GRIP1: variants seen among roughly 807,000 people sequenced by gnomAD.
GRIP1 encodes glutamate receptor interacting protein 1.
GRIP1 carries 45 observed loss-of-function variants against 129.9 expected under a neutral mutation model. That is an observed-to-expected ratio of 0.35 (90% CI 0.27 to 0.44). GRIP1 has a LOEUF of 0.44. Ranked by LOEUF, GRIP1 falls within the 20% of genes least tolerant of loss-of-function variation. The pLI is 1.00. For synonymous variants in GRIP1, 530 were observed against 520.8 expected (o/e 1.02, Z -0.24); for missense variants, 1,196 against 1,396.8 (o/e 0.86, Z 2.29).
intron 1 of GRIP1, among the ~76,000 whole-genome samples, chr12:67,063,398 G>C (rs1324855204): frequency 6.6e-6 from 1 of 152,184 alleles, no homozygotes; most frequent in Non-Finnish European, 1.5e-5. Flanking sequence ...CCATAAAGCT[G>C]ATAGCACCCT....
rs1008972215 is a variant in GRIP1, at chr12:66,711,224, T to G, written c.-419-80888A>C. Among the ~76,000 whole-genome samples the G allele has an allele frequency of 2.0e-5, 3 of 151,882 alleles. No individual in the cohort carries two copies. The East Asian group carries it at 5.8e-4, about 29-fold the overall frequency. The stretch of plus-strand genomic sequence containing the variant: ...ACTTAATAACAAAATAATGAGACTA[T>G]GGGATTTTAATAAAGGGTATCCCTA... On this transcript the variant is annotated intron_variant, in intron 1 of 4. Transcript: ENST00000538373.
In GRIP1 at chr12:66,526,356, G is replaced by A. The variant is rs562646164; in HGVS notation, c.502+3475C>T. Among the ~76,000 whole-genome samples, 10 of 152,256 alleles carry A rather than the reference G, an allele frequency of 6.6e-5. No individual in the cohort carries two copies. The South Asian group carries it at 1.2e-3, about 19-fold the overall frequency. Reference sequence around the variant, plus strand: ...ATATAGATCAATGGAACAGAACAGAGCCCTCAGAAATAATGCTGCATGTCT... The same window carrying A: ...ATATAGATCAATGGAACAGAACAGAACCCTCAGAAATAATGCTGCATGTCT... On this transcript the variant is annotated intron_variant, in intron 5 of 24. Transcript: ENST00000359742.
At chr12:66,399,858 C>T (rs960602865) in intron 16 of GRIP1, among the ~76,000 whole-genome samples, 7 of 151,862 alleles carry the variant, frequency 4.6e-5, no homozygotes, top group Non-Finnish European at 8.8e-5. Flanking sequence ...TTTTAGAGTA[C>T]GGCTAAATTT....
intron 1 of GRIP1, among the ~76,000 whole-genome samples, chr12:66,988,850 G>T (rs930721725): frequency 1.3e-5 from 2 of 152,152 alleles, no homozygotes; most frequent in African/African-American, 4.8e-5. Flanking sequence ...AGAATGATTT[G>T]ATGGCTTTAT....
chr12:66,377,103 A>G, intron 21 of GRIP1, 42 bp from the exon 22 acceptor site: 3 of 1,589,036 alleles, frequency 1.9e-6, no homozygotes, highest in Non-Finnish European at 2.6e-6. Flanking sequence ...TGGTGTGAGA[A>G]ATGCAAACTT....
Position 66,521,182 on chromosome 12 carries a change from T to C in GRIP1, c.503-3206A>G, listed in dbSNP as rs191768320. 5.9e-5 allele frequency among the ~76,000 whole-genome samples: 9 copies of C among 152,338 alleles called. No homozygotes were observed. In the East Asian group the frequency reaches 1.7e-3, roughly 29 times the overall value. ...CTTTTGTCTTAAATTCACTGGACTG[T>C]AATTCCTTGTAGATCAAGGTATTGT... On this transcript the variant is annotated intron_variant, in intron 5 of 24. Coordinates refer to ENST00000359742, the MANE Select transcript of GRIP1 (RefSeq NM_001366722.1).
intron 23 of GRIP1, among the ~76,000 whole-genome samples, chr12:66,361,829 G>A (rs368855581): frequency 2.0e-5 from 3 of 152,062 alleles, no homozygotes; most frequent in Middle Eastern, 3.2e-3. Context: ...ATTGACCTCC[G>A]TTCCTCTCAG....
At chr12:66,810,270 T>C (rs1428986495) in intron 1 of GRIP1, among the ~76,000 whole-genome samples, 1 of 152,146 alleles carries the variant, frequency 6.6e-6, no homozygotes, top group Non-Finnish European at 1.5e-5. Flanking sequence ...TATAAGAGTT[T>C]TTATTGGCCA....
At chr12:67,065,551 C>T (rs1376349268) in intron 1 of GRIP1, among the ~76,000 whole-genome samples, 1 of 152,042 alleles carries the variant, frequency 6.6e-6, no homozygotes, top group Non-Finnish European at 1.5e-5. Context: ...AATATAAAAG[C>T]AAAGGAAATG....
intron 23 of GRIP1, among the ~76,000 whole-genome samples, chr12:66,362,305 C>G (rs2054824354): frequency 6.6e-6 from 1 of 151,748 alleles, no homozygotes; most frequent in Non-Finnish European, 1.5e-5. Context: ...GGGCCTGCAC[C>G]ACCATGCCTG....
intron 1 of GRIP1, among the ~76,000 whole-genome samples, chr12:66,895,526 C>G (rs569010509): frequency 3.3e-5 from 5 of 152,260 alleles, no homozygotes; most frequent in African/African-American, 1.2e-4. Flanking sequence ...TTATAGTAGT[C>G]AACTGTCACA....
chr12:66,960,843 CTG>C (rs1216970546), intron 1 of GRIP1, among the ~76,000 whole-genome samples: 1 of 152,154 alleles, frequency 6.6e-6, no homozygotes, highest in East Asian at 1.9e-4. Flanking sequence ...CTAGTAGAGA[CTG>C]CAAATGAAAC....
At chr12:66,614,253 C>G (rs2064939948) in intron 1 of GRIP1, among the ~76,000 whole-genome samples, 1 of 152,120 alleles carries the variant, frequency 6.6e-6, no homozygotes, top group Non-Finnish European at 1.5e-5. Context: ...GACCTCCCCA[C>G]TGAACTCCAG....
In GRIP1 at chr12:66,533,881, A is replaced by T. The variant is rs1419436736; in HGVS notation, c.419-3967T>A. Among the ~76,000 whole-genome samples, 757 of 103,654 alleles carry T rather than the reference A, an allele frequency of 7.3e-3. 4 individuals are homozygous for T. The highest frequency in any genetic ancestry group is 0.017 in the South Asian group (54 of 3,100). The allele number at this position is 103,654 out of a possible 152,430, so 68.0% of individuals were successfully genotyped here. A position where few individuals can be genotyped will look rare whatever the true frequency, so the allele number is the denominator to read the frequency against. ...CACACACTCACACACACACACACATACACACACTCTCTCTCTCTCTCTCTT... is the reference window on the plus strand; with the variant it reads ...CACACACTCACACACACACACACATTCACACACTCTCTCTCTCTCTCTCTT... On this transcript the variant is annotated intron_variant, in intron 4 of 24. Coordinates refer to ENST00000359742, the MANE Select transcript of GRIP1 (RefSeq NM_001366722.1).
intron 1 of GRIP1, among the ~76,000 whole-genome samples, chr12:67,014,181 C>T (rs1039340124): frequency 1.1e-4 from 16 of 152,146 alleles, no homozygotes; most frequent in Admixed American, 9.2e-4. Context: ...AACGCTTCTA[C>T]TATTTATATG....
chr12:66,699,472 G>A (rs1387270267), intron 1 of GRIP1, among the ~76,000 whole-genome samples: 1 of 152,142 alleles, frequency 6.6e-6, no homozygotes, highest in Non-Finnish European at 1.5e-5. Context: ...TAAGTCTCAT[G>A]AGATCTGATG....
intron 1 of GRIP1, among the ~76,000 whole-genome samples, chr12:66,944,787 G>A (rs552601431): frequency 6.7e-6 from 1 of 149,136 alleles, no homozygotes; most frequent in South Asian, 2.1e-4. Context: ...CAGGTGTTTT[G>A]TTGTTTGTTT....
At chr12:66,632,937 A>G (rs541809085) in intron 1 of GRIP1, among the ~76,000 whole-genome samples, 3 of 152,272 alleles carry the variant, frequency 2.0e-5, no homozygotes, top group Non-Finnish European at 4.4e-5. Context: ...AGCTCAGGGT[A>G]TAAGTGACTT....
intron 1 of GRIP1, among the ~76,000 whole-genome samples, chr12:66,958,374 C>T (rs1333662383): frequency 3.9e-5 from 6 of 152,128 alleles, no homozygotes. Flanking sequence ...CCAAGCGATC[C>T]TCCCATCTTG....
Sources: gnomAD v4.1 joint callset for allele counts (sites outside exome capture counted in the v4.1 genomes callset) on GRCh38, gnomAD v4.1.1 for gene constraint, MANE v1.5 for transcripts, NCBI Gene and HGNC (gene_info 2026-07-23, HGNC 2026-07-21) for gene names.